The following NOVA2 variants were observed in gnomAD, a reference collection of about 807,000 sequenced individuals.
NOVA2 encodes RNA-binding protein Nova-2.
Under a neutral mutation model 22.5 loss-of-function variants are expected in NOVA2, and 9 were observed. The ratio of observed to expected loss-of-function variants is 0.40; its 90% confidence interval spans 0.24 to 0.70. The LOEUF is 0.70. Ranked by LOEUF, NOVA2 falls within the 30% of genes least tolerant of loss-of-function variation. The pLI is 0.38. For missense variants in NOVA2, 383 were observed against 682.8 expected, an observed-to-expected ratio of 0.56 and a Z score of 4.89; for synonymous variants, 318 against 335.2, an observed-to-expected ratio of 0.95 and a Z score of 0.56.
chr19:45,947,838 G>A (rs1367820024), intron 3 of NOVA2, among the ~76,000 whole-genome samples: 1 of 152,076 alleles, frequency 6.6e-6, no homozygotes, highest in Non-Finnish European at 1.5e-5. Context: ...TAGAAACAAT[G>A]CAATGTACTA....
At chr19:45,969,832 C>T (rs1968212131) in intron 1 of NOVA2, among the ~76,000 whole-genome samples, 1 of 152,116 alleles carries the variant, frequency 6.6e-6, no homozygotes, top group Non-Finnish European at 1.5e-5. Flanking sequence ...TTGTTTTCCT[C>T]CCAGCGGCAT....
Position 45,935,494 on chromosome 19 carries a change from T to TC in NOVA2, c.*4368dup, listed in dbSNP as rs1967642461. 1 of 152,146 alleles carries TC rather than the reference T, an allele frequency of 6.6e-6. No individual in the cohort carries two copies. Among genetic ancestry groups the TC allele is most frequent in the South Asian group, 2.1e-4 (1 of 4,830 alleles). 9.4% of individuals were successfully genotyped at this position (152,146 alleles called of 1,614,324 possible). A position where few individuals can be genotyped will look rare whatever the true frequency, so the allele number is the denominator to read the frequency against. ...CAGCTTGGGTATCGCGATCCCGTTC[T>TC]CCCCATCGTGACATCCAGTCCAGGC... is the stretch of plus-strand genomic sequence containing the variant. On this transcript the variant is annotated 3_prime_UTR_variant, in exon 4 of 4. Transcript: ENST00000263257.
At chr19:45,953,222 CG>C (rs1234675797) in intron 3 of NOVA2, among the ~76,000 whole-genome samples, 1 of 152,222 alleles carries the variant, frequency 6.6e-6, no homozygotes, top group African/African-American at 2.4e-5. Context: ...ACTGCTTCCC[CG>C]TAACTGAGGC....
chr19:45,955,862 A>C (rs1015335551), intron 2 of NOVA2, among the ~76,000 whole-genome samples: 2 of 152,058 alleles, frequency 1.3e-5, no homozygotes, highest in African/African-American at 4.8e-5. Flanking sequence ...GTCTCAAAAA[A>C]AAAACAAAAA....
rs1359949904 is a variant in NOVA2, at chr19:45,972,812, C to G, written c.85+455G>C. 3.9e-5 allele frequency among the ~76,000 whole-genome samples: 6 copies of G among 152,298 alleles called. No homozygotes were observed. In the South Asian group the frequency reaches 8.3e-4, roughly 21 times the overall value. ...ACGATCCGGCCAGGGCCACACAAGC[C>G]TCCATCTGGGACAACCCTTGTTCAG... On this transcript the variant is annotated intron_variant, in intron 1 of 3. Coordinates refer to ENST00000263257, the MANE Select transcript of NOVA2 (RefSeq NM_002516.4).
intron 3 of NOVA2, among the ~76,000 whole-genome samples, chr19:45,947,828 T>C (rs1967864909): frequency 6.6e-6 from 1 of 152,070 alleles, no homozygotes; most frequent in African/African-American, 2.4e-5. Context: ...ATTTGTGTAG[T>C]AGAAACAATG....
At chr19:45,942,584 G>C (rs115401447) in intron 3 of NOVA2, among the ~76,000 whole-genome samples, 1 of 152,138 alleles carries the variant, frequency 6.6e-6, no homozygotes, top group African/African-American at 2.4e-5. Context: ...GAAGGCAGAC[G>C]TAAGTGGATG....
chr19:45,966,678 G>C (rs1344423734), intron 1 of NOVA2, among the ~76,000 whole-genome samples: 2 of 152,156 alleles, frequency 1.3e-5, no homozygotes, highest in Admixed American at 1.3e-4. Flanking sequence ...AGAAGTTCGA[G>C]ACCAGCCTGA....
At position 45,964,561 on chromosome 19, in the gene NOVA2, ATCTC is replaced by A. The variant is rs141748431; in HGVS notation, c.86-3412_86-3409del. 7.3e-5 allele frequency among the ~76,000 whole-genome samples: 10 copies of A among 137,002 alleles called. 1 individual carries two copies. The highest frequency in any genetic ancestry group is 3.8e-4 in the Admixed American group (5 of 13,318). 89.9% of individuals were successfully genotyped at this position (137,002 alleles called of 152,430 possible). Reference sequence around the variant, plus strand: ...AGAGAAACTGCTCTAACACTCTCTGATCTCTCTCTCTCTCTCTCTCTCTTTCTCT... The same window carrying A: ...AGAGAAACTGCTCTAACACTCTCTGATCTCTCTCTCTCTCTCTCTTTCTCT... On this transcript the variant is annotated intron_variant, in intron 1 of 3. Transcript: ENST00000263257.
intron 2 of NOVA2, among the ~76,000 whole-genome samples, chr19:45,955,822 C>T (rs1332660729): frequency 6.6e-6 from 1 of 151,714 alleles, no homozygotes; most frequent in East Asian, 1.9e-4. Flanking sequence ...CATGCTACTG[C>T]ACTCCAGCCT....
chr19:45,972,081 C>T (rs779405385), intron 1 of NOVA2, among the ~76,000 whole-genome samples: 2 of 152,094 alleles, frequency 1.3e-5, no homozygotes, highest in African/African-American at 2.4e-5. Context: ...ACACACTCAG[C>T]CATTTCACAC....
chr19:45,955,793 G>A (rs1967996057), intron 2 of NOVA2, among the ~76,000 whole-genome samples: 1 of 152,074 alleles, frequency 6.6e-6, no homozygotes, highest in South Asian at 2.1e-4. Flanking sequence ...GGGAGGCGGA[G>A]GTTGCAGTGA....
At chr19:45,953,432 G>C (rs1474359380) in intron 3 of NOVA2, among the ~76,000 whole-genome samples, 1 of 152,206 alleles carries the variant, frequency 6.6e-6, no homozygotes, top group Non-Finnish European at 1.5e-5. Context: ...GGTGATAGCA[G>C]GAAGTGGGAG....
rs35836093 is a variant in NOVA2, at chr19:45,946,872, TAA to T, written c.397-5929_397-5928del. On this transcript the variant is annotated intron_variant, in intron 3 of 3. Coordinates refer to ENST00000263257, the MANE Select transcript of NOVA2 (RefSeq NM_002516.4). ...CCTGGTGAGTGAGCAAGACTCCGTC[TAA>T]AAAAAAAAAAAAAAAAATCACAACA... Among the ~76,000 whole-genome samples the T allele has an allele frequency of 7.2e-3, 966 of 133,426 alleles. 3 individuals are homozygous for T. The highest frequency in any genetic ancestry group is 0.018 in the African/African-American group (646 of 35,478). 87.5% of individuals were successfully genotyped at this position (133,426 alleles called of 152,430 possible). A position where few individuals can be genotyped will look rare whatever the true frequency, so the allele number is the denominator to read the frequency against.
intron 1 of NOVA2, among the ~76,000 whole-genome samples, chr19:45,970,463 C>T (rs1713363505): frequency 6.6e-6 from 1 of 151,462 alleles, no homozygotes; most frequent in Non-Finnish European, 1.5e-5. Context: ...AAAACCTCCA[C>T]CTCCTGGATT....
intron 1 of NOVA2, among the ~76,000 whole-genome samples, chr19:45,963,618 G>A (rs2146424834): frequency 6.6e-6 from 1 of 150,648 alleles, no homozygotes; most frequent in South Asian, 2.1e-4. Context: ...TGCACGCTCC[G>A]CCTCTCCGAT....
chr19:45,952,525 G>A (rs1967941368), intron 3 of NOVA2, among the ~76,000 whole-genome samples: 1 of 152,212 alleles, frequency 6.6e-6, no homozygotes, highest in South Asian at 2.1e-4. Context: ...GTGGATTAGG[G>A]GGAGGGGGTA....
chr19:45,943,124 G>A (rs1250271401), intron 3 of NOVA2, among the ~76,000 whole-genome samples: 1 of 150,404 alleles, frequency 6.6e-6, no homozygotes, highest in East Asian at 2.0e-4. Context: ...TGCGATCTCG[G>A]CTCACTGCAA....
intron 3 of NOVA2, among the ~76,000 whole-genome samples, chr19:45,948,389 G>A (rs1195839995): frequency 6.6e-6 from 1 of 152,120 alleles, no homozygotes; most frequent in African/African-American, 2.4e-5. Flanking sequence ...CACGGGGTCA[G>A]GAGATCAAGA....
Sources: gnomAD v4.1 joint callset for allele counts (sites outside exome capture counted in the v4.1 genomes callset) on GRCh38, gnomAD v4.1.1 for gene constraint, MANE v1.5 for transcripts, NCBI Gene and HGNC (gene_info 2026-07-23, HGNC 2026-07-21) for gene names.